CFAP77: variants seen among roughly 807,000 people sequenced by gnomAD.
The protein encoded by CFAP77 is cilia- and flagella-associated protein 77.
A neutral mutation model predicts 31.1 loss-of-function variants in CFAP77; 25 were observed. The ratio of observed to expected loss-of-function variants is 0.80; its 90% CI spans 0.59 to 1.12. The LOEUF is 1.12. Among genes scored for constraint, CFAP77 ranks in the 50% most tolerant of loss-of-function variants. CFAP77 has a pLI of 0.00. For missense variants in CFAP77, 377 were observed against 397.3 expected (o/e 0.95, Z 0.44); for synonymous variants, 151 against 159.9 (o/e 0.94, Z 0.42).
At position 132,544,224 on chromosome 9, in the gene CFAP77, C is replaced by T. The variant is rs573843053; in HGVS notation, c.732+1177C>T. 2.0e-5 allele frequency among the ~76,000 whole-genome samples: 3 copies of T among 152,362 alleles called. No individual in the cohort carries two copies. The South Asian group carries it at 6.2e-4, about 32-fold the overall frequency. On this transcript the variant is annotated intron_variant, in intron 5 of 5. Coordinates refer to ENST00000393216, the MANE Select transcript of CFAP77 (RefSeq NM_001282957.2). ...CTGCCAGCATATGTCAATGACCATG[C>T]GCCCTGCCGCCCGTCAGTGCGCTGC...
At chr9:132,482,402 C>A (rs1453055564) in intron 1 of CFAP77, 2 of 1,612,576 alleles carry the variant, frequency 1.2e-6, no homozygotes, top group Non-Finnish European at 1.7e-6. Context: ...GACACCACAT[C>A]AAAGGAGGCC....
intron 5 of CFAP77, among the ~76,000 whole-genome samples, chr9:132,569,615 CCACT>C (rs1376812732): frequency 6.6e-6 from 1 of 152,026 alleles, no homozygotes; most frequent in Non-Finnish European, 1.5e-5. Flanking sequence ...AATCTGGATG[CCACT>C]GAAGGCCAGG....
chr9:132,539,406 C>A lies in CFAP77; in HGVS notation c.630+1700C>A, dbSNP rs1413069166. On this transcript the variant is annotated intron_variant, in intron 4 of 5. Transcript: ENST00000393216. This position sits in a 1 kb window ranked among gnomAD's most constrained non-coding sequence, Gnocchi z 4.3. ...CCCTGAGGTCAGTCTCTCCTCCTAT[C>A]ATCTCAGTTTGGTTTATTTCACGGG... Among the ~76,000 whole-genome samples the A allele has an allele frequency of 6.6e-6, 1 of 152,154 alleles. No individual in the cohort carries two copies. Among genetic ancestry groups the A allele is most frequent in the African/African-American group, 2.4e-5 (1 of 41,438 alleles).
At chr9:132,433,014 A>C (rs1850439831) in intron 1 of CFAP77, among the ~76,000 whole-genome samples, 2 of 148,412 alleles carry the variant, frequency 1.3e-5, no homozygotes, top group African/African-American at 2.5e-5. Flanking sequence ...AAGCCCGGCC[A>C]ATTTTCGTAT....
At chr9:132,475,015 G>T (rs1251650043) in intron 1 of CFAP77, among the ~76,000 whole-genome samples, 1 of 152,166 alleles carries the variant, frequency 6.6e-6, no homozygotes, top group East Asian at 1.9e-4. Flanking sequence ...AAGAGAAAGA[G>T]GCTCAGTCCT....
chr9:132,422,992 C>T (rs192358274), intron 1 of CFAP77, among the ~76,000 whole-genome samples: 3 of 152,166 alleles, frequency 2.0e-5, no homozygotes, highest in East Asian at 1.9e-4. Flanking sequence ...CCAAGTCCGC[C>T]GCGCTCCGTA....
At chr9:132,544,156 GC>G (rs59505710) in intron 5 of CFAP77, among the ~76,000 whole-genome samples, 57,475 of 152,108 alleles carry the variant, frequency 0.38, 11,050 homozygotes, top group African/African-American at 0.46. Flanking sequence ...AACCTGCTCT[GC>G]CCCCCCTTGA....
intron 1 of CFAP77, among the ~76,000 whole-genome samples, chr9:132,485,852 G>A (rs920552335): frequency 6.6e-6 from 1 of 151,028 alleles, no homozygotes; most frequent in Admixed American, 6.6e-5. Context: ...AGACCGAAGA[G>A]GGGGTATTAT....
chr9:132,540,738 C>T (rs139776538), intron 4 of CFAP77, among the ~76,000 whole-genome samples: 126 of 152,262 alleles, frequency 8.3e-4, no homozygotes, highest in African/African-American at 2.7e-3. Flanking sequence ...GGGGAAACTT[C>T]GCAAGGCCTG....
In CFAP77 at chr9:132,466,530, C is replaced by T. The variant is rs541056095; in HGVS notation, c.196-32165C>T. Among the ~76,000 whole-genome samples, 31 of 152,326 alleles carry T rather than the reference C, an allele frequency of 2.0e-4. No homozygotes were observed. The South Asian group carries it at 3.5e-3, about 17-fold the overall frequency. ...TGTCGCATTGCCCTCTGCACTATGT[C>T]GGCAGTTGGTACTCTCTTCCCAAGG... On this transcript the variant is annotated intron_variant, in intron 1 of 5. Transcript: ENST00000393216.
chr9:132,430,986 G>T (rs780246616), intron 1 of CFAP77, among the ~76,000 whole-genome samples: 1 of 152,208 alleles, frequency 6.6e-6, no homozygotes, highest in African/African-American at 2.4e-5. Context: ...AGTTTGGATA[G>T]AAACCTGTGA....
chr9:132,495,492 G>C lies in CFAP77; in HGVS notation c.196-3203G>C, dbSNP rs1219575301. On this transcript the variant is annotated intron_variant, in intron 1 of 5. Transcript: ENST00000393216. The surrounding 1 kb of genome is among the most constrained non-coding windows in gnomAD (Gnocchi z 4.2). ...GCCAGAGCTTTGTCTGTAACTCAGA[G>C]AGCATAGTATGGAAGGAATTCAAAA... is the stretch of plus-strand genomic sequence containing the variant. Among the ~76,000 whole-genome samples the C allele has an allele frequency of 6.6e-6, 1 of 152,180 alleles. No individual in the cohort carries two copies. The highest frequency in any genetic ancestry group is 2.4e-5 in the African/African-American group (1 of 41,446).
chr9:132,487,857 C>T (rs555542227), intron 1 of CFAP77, among the ~76,000 whole-genome samples: 1 of 152,204 alleles, frequency 6.6e-6, no homozygotes, highest in South Asian at 2.1e-4. Context: ...CTGAGGTTCT[C>T]ATTATGGAAA....
intron 4 of CFAP77, 65 bp from the exon 5 acceptor site, chr9:132,542,881 C>G: frequency 1.5e-6 from 2 of 1,296,154 alleles, no homozygotes; most frequent in Non-Finnish European, 2.2e-6. Context: ...CTCTATATCC[C>G]TTCAGCACGG....
At chr9:132,439,788 G>A (rs2131701084) in intron 1 of CFAP77, among the ~76,000 whole-genome samples, 1 of 148,626 alleles carries the variant, frequency 6.7e-6, no homozygotes, top group East Asian at 2.0e-4. Context: ...GGCGGAGCTT[G>A]TAGTGAGCCG....
chr9:132,518,888 C>T lies in CFAP77; in HGVS notation c.525-18713C>T, dbSNP rs117555818. On this transcript the variant is annotated intron_variant, in intron 3 of 5. Coordinates refer to ENST00000393216, the MANE Select transcript of CFAP77 (RefSeq NM_001282957.2). ...GCACTGCAGGGCGATAGGGCTGCAG[C>T]GTGGCTACCCCCACAGGCTTACGAT... Among the ~76,000 whole-genome samples, 18 of 152,352 alleles carry T rather than the reference C, an allele frequency of 1.2e-4. No individual in the cohort carries two copies. The East Asian group carries it at 2.3e-3, about 20-fold the overall frequency.
At chr9:132,420,691 A>G (rs1850199801) in intron 1 of CFAP77, among the ~76,000 whole-genome samples, 1 of 151,984 alleles carries the variant, frequency 6.6e-6, no homozygotes, top group Non-Finnish European at 1.5e-5. Flanking sequence ...GAAGAACAGA[A>G]CAATAACTCT....
intron 3 of CFAP77, among the ~76,000 whole-genome samples, chr9:132,521,426 G>A (rs1288271788): frequency 6.6e-6 from 1 of 152,200 alleles, no homozygotes. Flanking sequence ...GAGTGCAGAC[G>A]GTCCAGGCCT....
chr9:132,540,780 T>C (rs1450559588), intron 4 of CFAP77, among the ~76,000 whole-genome samples: 1 of 152,198 alleles, frequency 6.6e-6, no homozygotes, highest in African/African-American at 2.4e-5. Flanking sequence ...TCTTTACCTG[T>C]AAGTTTTGGG....
Sources: gnomAD v4.1 joint callset for allele counts (sites outside exome capture counted in the v4.1 genomes callset) on GRCh38, gnomAD v4.1.1 for gene constraint, Gnocchi (gnomAD v3.1) non-coding constraint, MANE v1.5 for transcripts, NCBI Gene and HGNC (gene_info 2026-07-23, HGNC 2026-07-21) for gene names.